The following PPP2R5C variants were observed in gnomAD, a reference collection of about 807,000 sequenced individuals.
PPP2R5C encodes the protein serine/threonine-protein phosphatase 2A 56 kDa regulatory subunit gamma isoform.
A neutral mutation model predicts 68.9 loss-of-function variants in PPP2R5C; 7 were observed. That is an observed-to-expected ratio of 0.10 (90% CI 0.06 to 0.19). The LOEUF is 0.19. PPP2R5C is among the 10% of genes least tolerant of loss of function. The probability of loss-of-function intolerance (pLI) is 1.00; values close to 1 mark genes in which losing one functional copy is unlikely to be tolerated. For missense variants in PPP2R5C, 348 were observed against 641.3 expected (o/e 0.54, Z 4.94); for synonymous variants, 210 against 222.2 (o/e 0.95, Z 0.49).
chr14:101,768,685 A>G (rs2036986757), intron 2 of PPP2R5C, among the ~76,000 whole-genome samples: 1 of 152,120 alleles, frequency 6.6e-6, no homozygotes, highest in Non-Finnish European at 1.5e-5. Flanking sequence ...GGCAAATCAC[A>G]TCTTCATGTT....
At chr14:101,908,955 G>T (rs530541548) in intron 10 of PPP2R5C, among the ~76,000 whole-genome samples, 1 of 152,156 alleles carries the variant, frequency 6.6e-6, no homozygotes, top group Admixed American at 6.5e-5. Context: ...ACAGTCCTGC[G>T]GGTCGAGCAG....
intron 1 of PPP2R5C, among the ~76,000 whole-genome samples, chr14:101,855,422 G>T (rs902108524): frequency 6.6e-6 from 1 of 152,142 alleles, no homozygotes; most frequent in East Asian, 1.9e-4. Flanking sequence ...CATTTGCTTT[G>T]ATATTACACC....
At chr14:101,808,206 A>G (rs1055665744), upstream of PPP2R5C, among the ~76,000 whole-genome samples, 4 of 151,802 alleles carry the variant, frequency 2.6e-5, no homozygotes, top group African/African-American at 9.7e-5. Flanking sequence ...CCCACAGGTC[A>G]GCAGTGAAGG....
At chr14:101,920,079 A>G (rs971955136) in intron 13 of PPP2R5C, among the ~76,000 whole-genome samples, 1 of 152,250 alleles carries the variant, frequency 6.6e-6, no homozygotes, top group African/African-American at 2.4e-5. Flanking sequence ...AAAGCTAGAC[A>G]AAGAATAAAC....
At chr14:101,863,647 A>G (rs757199873) in intron 2 of PPP2R5C, among the ~76,000 whole-genome samples, 46 of 152,130 alleles carry the variant, frequency 3.0e-4, no homozygotes, top group African/African-American at 1.1e-3. Context: ...CTGTAATCCC[A>G]GCACTTTGGG....
At chr14:101,761,403 G>A (rs1595090091), upstream of PPP2R5C, among the ~76,000 whole-genome samples, 4 of 151,990 alleles carry the variant, frequency 2.6e-5, no homozygotes, top group South Asian at 8.3e-4. Context: ...CTGCTCAGCG[G>A]TCAGCCCCGC....
At chr14:101,767,428 G>A (rs1225544489) in intron 2 of PPP2R5C, among the ~76,000 whole-genome samples, 1 of 152,180 alleles carries the variant, frequency 6.6e-6, no homozygotes, top group African/African-American at 2.4e-5. Context: ...GTTTTTACCT[G>A]AGTAAGGAGG....
chr14:101,809,671 C>T (rs909543501), upstream of PPP2R5C: 1 of 343,576 alleles, frequency 2.9e-6, no homozygotes, highest in Admixed American at 5.9e-5. Flanking sequence ...CTAAAAGTTA[C>T]TGAGAAACGA....
intron 1 of PPP2R5C, among the ~76,000 whole-genome samples, chr14:101,841,945 A>T (rs1401974615): frequency 6.6e-6 from 1 of 152,064 alleles, no homozygotes; most frequent in Non-Finnish European, 1.5e-5. Flanking sequence ...TTGGCACCTG[A>T]TTTCTAGTGC....
intron 1 of PPP2R5C, among the ~76,000 whole-genome samples, chr14:101,811,557 G>T (rs529823236): frequency 5.7e-4 from 87 of 152,088 alleles, no homozygotes; most frequent in African/African-American, 2.0e-3. Flanking sequence ...TGCCCTGGTT[G>T]GTCTTGAACT....
rs1555403922 is a variant in PPP2R5C, at chr14:101,919,980, A to AAAAAAAAAAAC, written c.1443+2043_1443+2044insCAAAAAAAAAA. Among the ~76,000 whole-genome samples the AAAAAAAAAAAC allele has an allele frequency of 3.3e-3, 373 of 114,096 alleles. 5 individuals are homozygous for AAAAAAAAAAAC. Among genetic ancestry groups the AAAAAAAAAAAC allele is most frequent in the Middle Eastern group, 0.02 (4 of 196 alleles). 74.9% of individuals were successfully genotyped at this position (114,096 alleles called of 152,430 possible). A position where few individuals can be genotyped will look rare whatever the true frequency, so the allele number is the denominator to read the frequency against. On this transcript the variant is annotated intron_variant, in intron 13 of 13. Transcript: ENST00000334743. ...GCAAAACTCCGTCTCAAAAAAAAAA[A>AAAAAAAAAAAC]AAAAAAAAAAAACCAATTCTTACAC...
intron 2 of PPP2R5C, among the ~76,000 whole-genome samples, chr14:101,764,003 TTGTGTGTG>T (rs3221573): frequency 7.3e-6 from 1 of 137,220 alleles, no homozygotes; most frequent in Non-Finnish European, 1.5e-5. Context: ...ATTGTTCACA[TTGTGTGTG>T]TGTGTGTGTG....
chr14:101,784,765 G>T (rs142803967), intron 2 of PPP2R5C, among the ~76,000 whole-genome samples: 2 of 152,298 alleles, frequency 1.3e-5, no homozygotes, highest in African/African-American at 4.8e-5. Context: ...CAGAAAGAAG[G>T]GTGGGCAACG....
chr14:101,768,618 C>T (rs549860458), intron 2 of PPP2R5C, among the ~76,000 whole-genome samples: 1 of 152,158 alleles, frequency 6.6e-6, no homozygotes, highest in Non-Finnish European at 1.5e-5. Context: ...TGCACGCAAG[C>T]TGTTCTGATT....
At chr14:101,863,898 T>C (rs1298689423) in intron 2 of PPP2R5C, among the ~76,000 whole-genome samples, 1 of 151,888 alleles carries the variant, frequency 6.6e-6, no homozygotes, top group African/African-American at 2.4e-5. Flanking sequence ...AGACTCTGTC[T>C]CAAAAAAAAA....
At chr14:101,901,776 T>C in exon 9 of PPP2R5C, 1 of 1,614,084 alleles carries the variant, frequency 6.2e-7, no homozygotes, top group Non-Finnish European at 8.5e-7. Context: ...AGAAGTAATG[T>C]TCTTAAACGA....
intron 1 of PPP2R5C, among the ~76,000 whole-genome samples, chr14:101,816,889 AT>A (rs2039722367): frequency 7.7e-6 from 1 of 129,972 alleles, no homozygotes; most frequent in Non-Finnish European, 1.6e-5. Flanking sequence ...TATTATATAT[AT>A]ATTATATAAA....
chr14:101,809,860 C>T (rs2039245947), upstream of PPP2R5C: 5 of 1,546,482 alleles, frequency 3.2e-6, no homozygotes, highest in Non-Finnish European at 4.4e-6. Flanking sequence ...CAGAGAGCTT[C>T]AGTTTGTCTT....
In PPP2R5C at chr14:101,901,611, G is replaced by A. The variant is rs534666165; in HGVS notation, c.853-108G>A. On this transcript the variant is annotated intron_variant, in intron 8 of 13. Transcript: ENST00000334743. ...CTGTAAGGAAGATGGCACCATCTCCGTGTGTTGCCTTGCAGTGGGGCCACC... is the reference window on the plus strand; with the variant it reads ...CTGTAAGGAAGATGGCACCATCTCCATGTGTTGCCTTGCAGTGGGGCCACC... 3.5e-4 allele frequency: 377 copies of A among 1,073,874 alleles called. 5 individuals are homozygous for A. In the South Asian group the frequency reaches 4.5e-3, roughly 13 times the overall value. 66.5% of individuals were successfully genotyped at this position (1,073,874 alleles called of 1,614,324 possible).
Sources: gnomAD v4.1 joint callset for allele counts (sites outside exome capture counted in the v4.1 genomes callset) on GRCh38, gnomAD v4.1.1 for gene constraint, MANE v1.5 for transcripts, NCBI Gene and HGNC (gene_info 2026-07-23, HGNC 2026-07-21) for gene names.